Variants in CSMD1 observed in about 807,000 individuals in gnomAD.
CSMD1 encodes the protein CUB and sushi domain-containing protein 1.
Under a neutral mutation model 417.5 loss-of-function variants are expected in CSMD1, and 213 were observed. That is an observed-to-expected ratio of 0.51 (90% CI 0.46 to 0.57). The LOEUF is 0.57. Ranked by LOEUF, CSMD1 falls within the 20% of genes least tolerant of loss-of-function variation. CSMD1 has a pLI of 0.00. For missense variants in CSMD1, 6,923 were observed against 4,529.7 expected, an observed-to-expected ratio of 1.53 and a Z score of -15.17; for synonymous variants, 2,862 against 1,736.8, an observed-to-expected ratio of 1.65 and a Z score of -16.11.
intron 36 of CSMD1, among the ~76,000 whole-genome samples, chr8:3,184,350 T>G (rs1327579829): frequency 1.3e-5 from 2 of 152,182 alleles, no homozygotes; most frequent in Non-Finnish European, 2.9e-5. Flanking sequence ...TTCTCTGACT[T>G]CGTGCAAAGC....
chr8:3,233,972 T>C (rs1027825502), intron 26 of CSMD1, among the ~76,000 whole-genome samples: 2 of 152,224 alleles, frequency 1.3e-5, no homozygotes, highest in Non-Finnish European at 2.9e-5. Context: ...CATGCATCTA[T>C]GTCTCTGTCA....
chr8:4,419,958 T>C lies in CSMD1; in HGVS notation c.410A>G (p.Tyr137Cys), dbSNP rs774415449. The stretch of plus-strand genomic sequence containing the variant: ...AAACACAACCAATCTCCTACCTTCA[T>C]ATAATGCTTTGAAACCTTGGGCACT... Reference protein sequence around the residue: ...AVSAQGFKALYEVLPSHTCGN... With the variant: ...AVSAQGFKALCEVLPSHTCGN... The change falls in exon 3 of 70, where the codon TAT (tyrosine) becomes TGT (cysteine). Residue 137 changes from tyrosine to cysteine, a missense_variant. Transcript: ENST00000635120. 5 of 1,568,988 alleles carry C rather than the reference T, an allele frequency of 3.2e-6. No individual in the cohort carries two copies. Among genetic ancestry groups the C allele is most frequent in the Non-Finnish European group, 3.5e-6 (4 of 1,153,436 alleles).
intron 3 of CSMD1, among the ~76,000 whole-genome samples, chr8:4,061,676 G>C (rs936111844): frequency 6.6e-6 from 1 of 152,112 alleles, no homozygotes; most frequent in Non-Finnish European, 1.5e-5. Flanking sequence ...GTGATGGTGT[G>C]AAATATCTTT....
chr8:4,369,167 A>G (rs1182419551), intron 3 of CSMD1, among the ~76,000 whole-genome samples: 3 of 152,064 alleles, frequency 2.0e-5, no homozygotes, highest in African/African-American at 4.8e-5. Flanking sequence ...ACTGGTTTCA[A>G]AAACTTTTTT....
At chr8:4,376,659 C>G (rs562845187) in intron 3 of CSMD1, among the ~76,000 whole-genome samples, 10 of 152,284 alleles carry the variant, frequency 6.6e-5, no homozygotes, top group African/African-American at 2.2e-4. Flanking sequence ...TATAGCCGTG[C>G]TCATATCACA....
intron 1 of CSMD1, among the ~76,000 whole-genome samples, chr8:4,945,166 G>A (rs969340174): frequency 6.6e-6 from 1 of 152,164 alleles, no homozygotes; most frequent in African/African-American, 2.4e-5. Context: ...AATACTGAAT[G>A]ATCCCAAATA....
At chr8:4,244,533 C>CTT (rs145745892) in intron 3 of CSMD1, among the ~76,000 whole-genome samples, 2 of 151,728 alleles carry the variant, frequency 1.3e-5, no homozygotes, top group Non-Finnish European at 2.9e-5. Flanking sequence ...ATAAAATTTT[C>CTT]TTTCTTTTTT....
chr8:3,452,001 G>C (rs1815756959), intron 12 of CSMD1, among the ~76,000 whole-genome samples: 1 of 152,112 alleles, frequency 6.6e-6, no homozygotes, highest in Non-Finnish European at 1.5e-5. Context: ...TTGAGCAGTG[G>C]TTTGTAGTTC....
chr8:3,456,091 G>T (rs1457377787), intron 12 of CSMD1, among the ~76,000 whole-genome samples: 2 of 152,168 alleles, frequency 1.3e-5, no homozygotes, highest in African/African-American at 4.8e-5. Context: ...AGCCTTCATG[G>T]GCGTAGGACC....
intron 3 of CSMD1, among the ~76,000 whole-genome samples, chr8:4,416,721 T>A (rs1585041996): frequency 6.6e-6 from 1 of 152,234 alleles, no homozygotes; most frequent in East Asian, 1.9e-4. Flanking sequence ...TTCTTCAATG[T>A]CCTCAAGTCT....
intron 5 of CSMD1, among the ~76,000 whole-genome samples, chr8:3,948,804 C>G (rs1182301757): frequency 6.7e-6 from 1 of 149,530 alleles, no homozygotes; most frequent in African/African-American, 2.5e-5. Context: ...TTTTACTACC[C>G]AGTTATCATT....
rs141957966 is a variant in CSMD1, at chr8:4,552,147, T to C, written c.302+85195A>G. 7.0e-3 allele frequency among the ~76,000 whole-genome samples: 1,061 copies of C among 152,290 alleles called. 19 individuals are homozygous for C. The East Asian group carries it at 0.081, about 12-fold the overall frequency. ...TAGAAGGCACAAAATCTAACATGCA[T>C]TGGGATTTTAAACATCATTTGTTTT... On this transcript the variant is annotated intron_variant, in intron 2 of 69. Coordinates refer to ENST00000635120, the MANE Select transcript of CSMD1 (RefSeq NM_033225.6).
At chr8:3,948,173 G>A (rs1337229601) in intron 5 of CSMD1, among the ~76,000 whole-genome samples, 1 of 151,998 alleles carries the variant, frequency 6.6e-6, no homozygotes, top group African/African-American at 2.4e-5. Context: ...CCACTACACT[G>A]CAGCCTGGCA....
chr8:3,648,633 G>C (rs1018538977), intron 7 of CSMD1, among the ~76,000 whole-genome samples: 1 of 152,158 alleles, frequency 6.6e-6, no homozygotes, highest in African/African-American at 2.4e-5. Flanking sequence ...TTTCTCTAGA[G>C]CATAACAGGA....
chr8:4,175,486 T>C (rs1021239524), intron 3 of CSMD1, among the ~76,000 whole-genome samples: 5 of 152,196 alleles, frequency 3.3e-5, no homozygotes, highest in African/African-American at 1.2e-4. Context: ...TGTAAATATA[T>C]TTTCTTAAAA....
intron 3 of CSMD1, among the ~76,000 whole-genome samples, chr8:4,049,321 T>G (rs1398029914): frequency 6.6e-6 from 1 of 151,966 alleles, no homozygotes; most frequent in African/African-American, 2.4e-5. Context: ...ATCTCTGGCC[T>G]CTATCTACTA....
intron 1 of CSMD1, among the ~76,000 whole-genome samples, chr8:4,697,426 T>TCA (rs1309841832): frequency 2.0e-5 from 3 of 152,260 alleles, no homozygotes; most frequent in Admixed American, 6.5e-5. Flanking sequence ...TTGGGCATGC[T>TCA]CATATTTGCT....
At chr8:4,463,815 C>G (rs1024554638) in intron 2 of CSMD1, among the ~76,000 whole-genome samples, 1 of 152,066 alleles carries the variant, frequency 6.6e-6, no homozygotes, top group African/African-American at 2.4e-5. Context: ...CCAAAAATAA[C>G]TGTGGTGATG....
At chr8:4,978,445 T>A (rs1381165259) in intron 1 of CSMD1, among the ~76,000 whole-genome samples, 1 of 152,166 alleles carries the variant, frequency 6.6e-6, no homozygotes, top group East Asian at 1.9e-4. Flanking sequence ...AATTGGGCCC[T>A]ACTTATGTTA....
Sources: gnomAD v4.1 joint callset for allele counts (sites outside exome capture counted in the v4.1 genomes callset) on GRCh38, gnomAD v4.1.1 for gene constraint, MANE v1.5 for transcripts, NCBI Gene and HGNC (gene_info 2026-07-23, HGNC 2026-07-21) for gene names.